Variants in LSAMP observed in about 807,000 individuals in gnomAD.
LSAMP encodes limbic system associated membrane protein.
A neutral mutation model predicts 38.6 loss-of-function variants in LSAMP; 7 were observed. The ratio of observed to expected loss-of-function variants is 0.18; its 90% CI spans 0.10 to 0.34. LSAMP has a LOEUF of 0.34. Ranked by LOEUF, LSAMP falls within the 10% of genes least tolerant of loss-of-function variation. The pLI, the probability that LSAMP is intolerant of heterozygous loss-of-function variation, is 1.00. For synonymous variants in LSAMP, 154 were observed against 166.8 expected, an observed-to-expected ratio of 0.92 and a Z score of 0.59; for missense variants, 313 against 420.0, an observed-to-expected ratio of 0.75 and a Z score of 2.23.
At chr3:116,164,057 A>G (rs1290300382) in intron 1 of LSAMP, among the ~76,000 whole-genome samples, 1 of 152,188 alleles carries the variant, frequency 6.6e-6, no homozygotes, top group Non-Finnish European at 1.5e-5. Context: ...GTATTTTAAC[A>G]TTATACCTAC....
intron 1 of LSAMP, among the ~76,000 whole-genome samples, chr3:116,315,693 A>G (rs972310458): frequency 6.6e-6 from 1 of 152,204 alleles, no homozygotes; most frequent in Non-Finnish European, 1.5e-5. Flanking sequence ...CGATAAAGTG[A>G]TATCTTTATC....
chr3:116,400,002 T>C (rs2048817677), intron 1 of LSAMP, among the ~76,000 whole-genome samples: 1 of 152,156 alleles, frequency 6.6e-6, no homozygotes, highest in Non-Finnish European at 1.5e-5. Context: ...AAAAACTCAG[T>C]TCTGGTATAA....
chr3:116,201,400 G>A (rs1431213190), intron 1 of LSAMP, among the ~76,000 whole-genome samples: 1 of 152,128 alleles, frequency 6.6e-6, no homozygotes, highest in East Asian at 1.9e-4. Flanking sequence ...TACCTTTAGT[G>A]TCTTTTTATA....
chr3:116,112,363 C>A (rs1031868913), intron 1 of LSAMP, among the ~76,000 whole-genome samples: 1 of 152,154 alleles, frequency 6.6e-6, no homozygotes, highest in African/African-American at 2.4e-5. Flanking sequence ...TTCAGCCTGG[C>A]TACACAGTTT....
At chr3:115,839,614 A>T (rs549134483) in intron 6 of LSAMP, among the ~76,000 whole-genome samples, 42 of 152,226 alleles carry the variant, frequency 2.8e-4, no homozygotes, top group Admixed American at 1.5e-3. Flanking sequence ...TTCATATTCT[A>T]TTTTTTCAGT....
At position 115,803,384 on chromosome 3, in the gene LSAMP, C is replaced by T. The variant is rs1933561087; in HGVS notation, c.*6933G>A. 6.6e-6 allele frequency: 1 copy of T among 152,162 alleles called. No individual in the cohort carries two copies. Among genetic ancestry groups the T allele is most frequent in the African/African-American group, 2.4e-5 (1 of 41,436 alleles). The allele number at this position is 152,162 out of a possible 1,614,324, so 9.4% of individuals were successfully genotyped here. On this transcript the variant is annotated 3_prime_UTR_variant, in exon 7 of 7. Transcript: ENST00000490035. ...TCTTTCAGACAATAAAATCAAAGGA[C>T]AACTTTGGATAGATGCTAACCTGAG...
At chr3:116,075,761 G>A (rs1388712741) in intron 2 of LSAMP, among the ~76,000 whole-genome samples, 1 of 151,622 alleles carries the variant, frequency 6.6e-6, no homozygotes, top group Non-Finnish European at 1.5e-5. Flanking sequence ...GGCTGGTCTC[G>A]AACTCCTGAC....
chr3:116,206,867 A>T (rs1025411850), intron 1 of LSAMP, among the ~76,000 whole-genome samples: 5 of 150,838 alleles, frequency 3.3e-5, no homozygotes, highest in African/African-American at 1.2e-4. Flanking sequence ...GTGCTGAAAA[A>T]AATGTATATT....
At chr3:116,288,186 C>T (rs942263056) in intron 1 of LSAMP, among the ~76,000 whole-genome samples, 2 of 152,140 alleles carry the variant, frequency 1.3e-5, no homozygotes, top group Non-Finnish European at 2.9e-5. Flanking sequence ...AAAATGCAAA[C>T]TAAGGCACAT....
chr3:116,396,806 T>C (rs1024832945), intron 1 of LSAMP, among the ~76,000 whole-genome samples: 8 of 152,222 alleles, frequency 5.3e-5, no homozygotes, highest in South Asian at 2.1e-4. Context: ...AATCTGTTCA[T>C]TGTTTTCTCT....
intron 1 of LSAMP, among the ~76,000 whole-genome samples, chr3:116,177,793 A>G (rs1290785964): frequency 6.6e-6 from 1 of 152,132 alleles, no homozygotes; most frequent in African/African-American, 2.4e-5. Context: ...GCATTTATTG[A>G]GCACCTACTA....
intron 1 of LSAMP, among the ~76,000 whole-genome samples, chr3:116,367,422 C>T (rs2048368643): frequency 6.6e-6 from 1 of 151,770 alleles, no homozygotes; most frequent in Admixed American, 6.6e-5. Context: ...ATGTACCTCT[C>T]TCACCACCTG....
At chr3:116,169,840 G>A (rs1710153596) in intron 1 of LSAMP, among the ~76,000 whole-genome samples, 1 of 152,124 alleles carries the variant, frequency 6.6e-6, no homozygotes, top group African/African-American at 2.4e-5. Flanking sequence ...CGGGTCTTGT[G>A]AAAATTGAGT....
chr3:115,885,751 A>G (rs1298251390), intron 3 of LSAMP, among the ~76,000 whole-genome samples: 1 of 151,804 alleles, frequency 6.6e-6, no homozygotes, highest in Non-Finnish European at 1.5e-5. Context: ...TAGAAATGGC[A>G]AGGCTTAAGT....
At chr3:116,052,515 C>T (rs1559723891) in intron 2 of LSAMP, among the ~76,000 whole-genome samples, 1 of 152,112 alleles carries the variant, frequency 6.6e-6, no homozygotes, top group Non-Finnish European at 1.5e-5. Flanking sequence ...TTTCTTCCTT[C>T]CTGGAAACTC....
At chr3:116,269,097 T>C (rs1360190960) in intron 1 of LSAMP, among the ~76,000 whole-genome samples, 2 of 152,208 alleles carry the variant, frequency 1.3e-5, no homozygotes, top group African/African-American at 2.4e-5. Context: ...TCATCACCTC[T>C]GTTCATCCCC....
chr3:116,026,577 C>T (rs1940797082), intron 2 of LSAMP, among the ~76,000 whole-genome samples: 1 of 152,114 alleles, frequency 6.6e-6, no homozygotes, highest in South Asian at 2.1e-4. Flanking sequence ...GACTCTTAAT[C>T]AAGTGACCAA....
intron 1 of LSAMP, among the ~76,000 whole-genome samples, chr3:116,417,004 C>CT (rs1559860823): frequency 6.6e-6 from 1 of 152,084 alleles, no homozygotes; most frequent in East Asian, 1.9e-4. Context: ...AAAGGAATCT[C>CT]TTTTTTCTTC....
At chr3:115,944,411 G>A (rs1443276586) in intron 3 of LSAMP, among the ~76,000 whole-genome samples, 21 of 151,992 alleles carry the variant, frequency 1.4e-4, no homozygotes, top group Non-Finnish European at 2.8e-4. Context: ...ATCTTTAAAG[G>A]GGACTACATC....
Sources: allele counts gnomAD v4.1 joint callset (sites outside exome capture counted in the v4.1 genomes callset), GRCh38; gene constraint gnomAD v4.1.1; transcripts MANE v1.5; gene names NCBI Gene and HGNC (gene_info 2026-07-23, HGNC 2026-07-21).